Variants in CCNH observed in about 807,000 individuals in gnomAD.
The protein encoded by CCNH is cyclin-H.
Under a neutral mutation model 41.9 loss-of-function variants are expected in CCNH, and 31 were observed. The observed-to-expected ratio is 0.74, with a 90% CI of 0.56 to 1.00. CCNH has a LOEUF of 1.00. CCNH is among the 50% of genes least tolerant of loss of function. The pLI, the probability that CCNH is intolerant of heterozygous loss-of-function variation, is 0.00. For missense variants in CCNH, 362 were observed against 388.4 expected (o/e 0.93, Z 0.57); for synonymous variants, 138 against 136.1 (o/e 1.01, Z -0.10).
chr5:87,352,120 A>G (rs1336125203), intron 9 of CCNH, among the ~76,000 whole-genome samples: 2 of 151,528 alleles, frequency 1.3e-5, no homozygotes, highest in Non-Finnish European at 3.0e-5. Flanking sequence ...TCTTTTAATA[A>G]TGCTTTTATT....
intron 9 of CCNH, chr5:87,333,305 T>G: frequency 6.2e-7 from 1 of 1,613,376 alleles, no homozygotes. Context: ...CTATTCTACC[T>G]TACACAAAAG....
chr5:87,353,822 A>G (rs1759456555), intron 9 of CCNH, among the ~76,000 whole-genome samples: 1 of 152,240 alleles, frequency 6.6e-6, no homozygotes, highest in South Asian at 2.1e-4. Flanking sequence ...CTTGAGCAAG[A>G]GAGCCTGTTA....
At chr5:87,394,695 T>C in intron 8 of CCNH, 1 of 1,341,250 alleles carries the variant, frequency 7.5e-7, no homozygotes, top group Non-Finnish European at 9.5e-7. Context: ...GGCTGTGACC[T>C]TTTGCCTCTG....
Position 87,394,835 on chromosome 5 carries a change from C to A in CCNH, c.933+209G>T, listed in dbSNP as rs3093852. The A allele has an allele frequency of 1.5e-3, 1,983 of 1,365,574 alleles. 26 individuals carry two copies. The African/African-American group carries it at 0.027, about 18-fold the overall frequency. The allele number at this position is 1,365,574 out of a possible 1,614,324, so 84.6% of individuals were successfully genotyped here. On this transcript the variant is annotated intron_variant, in intron 8 of 8. Coordinates refer to ENST00000256897, the MANE Select transcript of CCNH (RefSeq NM_001239.4). Reference sequence around the variant, plus strand: ...ATATTGCTTCTGCTTTCTATGAACACAGGAAGGATTCTTCATTAAATAAAG... The same window carrying A: ...ATATTGCTTCTGCTTTCTATGAACAAAGGAAGGATTCTTCATTAAATAAAG...
At chr5:87,346,929 TA>T (rs1424819223) in intron 9 of CCNH, among the ~76,000 whole-genome samples, 1 of 152,050 alleles carries the variant, frequency 6.6e-6, no homozygotes, top group Non-Finnish European at 1.5e-5. Context: ...GTTTTTCTTT[TA>T]CCCCAGGCCC....
chr5:87,365,861 T>C (rs770173289), intron 9 of CCNH, among the ~76,000 whole-genome samples: 4 of 152,114 alleles, frequency 2.6e-5, no homozygotes, highest in Non-Finnish European at 4.4e-5. Flanking sequence ...CATTTAAAGA[T>C]TTTATGTCAA....
At chr5:87,319,792 T>C (rs1341521152) in intron 9 of CCNH, among the ~76,000 whole-genome samples, 1 of 152,256 alleles carries the variant, frequency 6.6e-6, no homozygotes, top group Non-Finnish European at 1.5e-5. Flanking sequence ...TTTATGTAAA[T>C]TTCTACCACT....
At chr5:87,334,944 C>T (rs1445022576) in intron 9 of CCNH, among the ~76,000 whole-genome samples, 8 of 151,566 alleles carry the variant, frequency 5.3e-5, no homozygotes, top group African/African-American at 1.9e-4. Context: ...AGTGCAGTGG[C>T]ACGATCTTGC....
In CCNH at chr5:87,363,551, A is replaced by G. The variant is rs1272925794; in HGVS notation, c.*90+29219T>C. On this transcript the variant is annotated intron_variant and NMD_transcript_variant, in intron 9 of 9. Transcript: ENST00000645953. ...TTTCTTTCGGAATTGTCTTAATAAT[A>G]AAATAGTACAAACAAAGCAAACCAA... The G allele has an allele frequency of 6.3e-6, 10 of 1,579,622 alleles. No individual in the cohort carries two copies. In the Admixed American group the frequency reaches 1.0e-4, roughly 16 times the overall value.
chr5:87,317,955 G>A (rs1288380421), downstream of CCNH, among the ~76,000 whole-genome samples: 3 of 151,850 alleles, frequency 2.0e-5, no homozygotes, highest in Non-Finnish European at 4.4e-5. Flanking sequence ...ACACTCTTAA[G>A]CTCATTTTTT....
At chr5:87,325,041 G>T (rs1181609087) in intron 9 of CCNH, among the ~76,000 whole-genome samples, 5 of 152,020 alleles carry the variant, frequency 3.3e-5, no homozygotes, top group Non-Finnish European at 5.9e-5. Context: ...CACTTATAAA[G>T]GAAAGAGGCT....
chr5:87,334,100 A>G (rs917218108), intron 9 of CCNH, among the ~76,000 whole-genome samples: 6 of 152,164 alleles, frequency 3.9e-5, no homozygotes, highest in Non-Finnish European at 7.4e-5. Flanking sequence ...TCTAGAGGAG[A>G]TTTTTTTACG....
chr5:87,407,341 C>A (rs1763873667), intron 4 of CCNH, among the ~76,000 whole-genome samples: 1 of 152,126 alleles, frequency 6.6e-6, no homozygotes, highest in Non-Finnish European at 1.5e-5. Context: ...CTGGTTACAT[C>A]CTCAAGCACA....
chr5:87,407,361 AC>A (rs1306102722), intron 4 of CCNH, among the ~76,000 whole-genome samples: 4 of 152,186 alleles, frequency 2.6e-5, no homozygotes, highest in Admixed American at 2.6e-4. Flanking sequence ...AAAGTTTGGC[AC>A]ATAGAAGGTA....
chr5:87,352,994 T>C (rs144529920), intron 9 of CCNH, among the ~76,000 whole-genome samples: 1,654 of 152,144 alleles, frequency 0.011, 13 homozygotes, highest in Non-Finnish European at 0.016. Context: ...TTTTCTAAAA[T>C]AATATGAATG....
chr5:87,375,436 T>A (rs532199376), downstream of CCNH, among the ~76,000 whole-genome samples: 8 of 152,264 alleles, frequency 5.3e-5, no homozygotes, highest in African/African-American at 1.4e-4. Context: ...AAGTTTTGTA[T>A]TTTTAGTAGA....
chr5:87,356,079 G>GA (rs1358671532), intron 9 of CCNH, among the ~76,000 whole-genome samples: 1 of 152,120 alleles, frequency 6.6e-6, no homozygotes, highest in Non-Finnish European at 1.5e-5. Flanking sequence ...CTACTGAAAT[G>GA]AAAACAAATA....
chr5:87,394,130 T>TTTTG, downstream of CCNH: 2 of 446,830 alleles, frequency 4.5e-6, no homozygotes, highest in Non-Finnish European at 6.2e-6. Flanking sequence ...GGCTACTAAG[T>TTTTG]TTTGTTTTTT....
At chr5:87,406,497 A>G (rs1763801075) in intron 4 of CCNH, among the ~76,000 whole-genome samples, 1 of 152,170 alleles carries the variant, frequency 6.6e-6, no homozygotes, top group African/African-American at 2.4e-5. Flanking sequence ...TCACAAATCC[A>G]AAAAATTCAA....
Sources: allele counts gnomAD v4.1 joint callset (sites outside exome capture counted in the v4.1 genomes callset), GRCh38; gene constraint gnomAD v4.1.1; transcripts MANE v1.5; gene names NCBI Gene and HGNC (gene_info 2026-07-23, HGNC 2026-07-21).